The following MAML2 variants were observed in gnomAD, a reference collection of about 807,000 sequenced individuals.
MAML2 encodes mastermind-like protein 2.
MAML2 carries 22 observed loss-of-function variants against 96.1 expected under a neutral mutation model. The ratio of observed to expected loss-of-function variants is 0.23; its 90% CI spans 0.16 to 0.33. The LOEUF is 0.33. Ranked by LOEUF, MAML2 falls within the 10% of genes least tolerant of loss-of-function variation. The pLI is 1.00. For missense variants in MAML2, 1,367 were observed against 1,392.4 expected (o/e 0.98, Z 0.29); for synonymous variants, 561 against 521.3 (o/e 1.08, Z -1.04).
Position 96,138,475 on chromosome 11 carries a change from T to C in MAML2, c.514-44958A>G, listed in dbSNP as rs1458101707. 2.0e-5 allele frequency among the ~76,000 whole-genome samples: 3 copies of C among 152,258 alleles called. No individual in the cohort carries two copies. In the East Asian group the frequency reaches 5.8e-4, roughly 29 times the overall value. ...CTTATATTGTGTTCCACAAGGGTGCTCAGGAAATTTATGAAAAATCTATTC... is the reference window on the plus strand; with the variant it reads ...CTTATATTGTGTTCCACAAGGGTGCCCAGGAAATTTATGAAAAATCTATTC... On this transcript the variant is annotated intron_variant, in intron 1 of 4. Transcript: ENST00000524717.
intron 1 of MAML2, among the ~76,000 whole-genome samples, chr11:96,099,865 C>G (rs1309448908): frequency 6.6e-6 from 1 of 151,530 alleles, no homozygotes. Flanking sequence ...GTCTTGAACT[C>G]CTGGGCTCTA....
chr11:96,216,387 C>T (rs1305837503), intron 1 of MAML2, among the ~76,000 whole-genome samples: 2 of 152,174 alleles, frequency 1.3e-5, no homozygotes, highest in African/African-American at 4.8e-5. Context: ...TCTCTTAAGT[C>T]CCACCTCAAA....
intron 2 of MAML2, among the ~76,000 whole-genome samples, chr11:96,089,142 C>T (rs1859665697): frequency 6.6e-6 from 1 of 152,120 alleles, no homozygotes. Context: ...ATCCCCCACC[C>T]TACCCATGAC....
At chr11:96,135,773 T>C (rs1216260468) in intron 1 of MAML2, among the ~76,000 whole-genome samples, 3 of 151,062 alleles carry the variant, frequency 2.0e-5, no homozygotes, top group Non-Finnish European at 2.9e-5. Flanking sequence ...AATAGTGACA[T>C]ACATCTCTGA....
chr11:96,144,704 A>C (rs1860789255), intron 1 of MAML2, among the ~76,000 whole-genome samples: 1 of 152,220 alleles, frequency 6.6e-6, no homozygotes, highest in South Asian at 2.1e-4. Context: ...AATACTTGCT[A>C]TCCTGTGTTA....
At chr11:96,339,561 C>G (rs146548836) in intron 1 of MAML2, among the ~76,000 whole-genome samples, 2 of 152,184 alleles carry the variant, frequency 1.3e-5, no homozygotes, top group Non-Finnish European at 2.9e-5. Context: ...CTTGACACCC[C>G]GGGCAGAGAT....
chr11:96,006,207 A>G (rs138024369), intron 2 of MAML2, among the ~76,000 whole-genome samples: 47 of 152,222 alleles, frequency 3.1e-4, no homozygotes, highest in Middle Eastern at 3.4e-3. Flanking sequence ...GTTCTCCCTA[A>G]GAATCACTAA....
intron 1 of MAML2, among the ~76,000 whole-genome samples, chr11:96,177,050 C>G (rs1387249998): frequency 6.6e-6 from 1 of 152,106 alleles, no homozygotes; most frequent in African/African-American, 2.4e-5. Context: ...GGTCACCATG[C>G]CTGGAGAGGC....
chr11:96,245,632 G>A (rs1033710938), intron 1 of MAML2, among the ~76,000 whole-genome samples: 1 of 151,536 alleles, frequency 6.6e-6, no homozygotes, highest in African/African-American at 2.4e-5. Context: ...GCTTCAATAT[G>A]AATTTGTATG....
chr11:96,039,790 G>A (rs1192141727), intron 2 of MAML2, among the ~76,000 whole-genome samples: 1 of 151,924 alleles, frequency 6.6e-6, no homozygotes, highest in Non-Finnish European at 1.5e-5. Context: ...GTGAAACCCT[G>A]TCTCTCAAAA....
chr11:96,290,469 C>T (rs1863193499), intron 1 of MAML2, among the ~76,000 whole-genome samples: 1 of 152,196 alleles, frequency 6.6e-6, no homozygotes, highest in Non-Finnish European at 1.5e-5. Context: ...CATGGAAGGT[C>T]AATTGACAGG....
intron 1 of MAML2, among the ~76,000 whole-genome samples, chr11:96,195,902 G>T (rs776261486): frequency 1.3e-5 from 2 of 152,148 alleles, no homozygotes; most frequent in African/African-American, 2.4e-5. Flanking sequence ...AAGAGTTAAT[G>T]TTCTCTCTCT....
intron 1 of MAML2, among the ~76,000 whole-genome samples, chr11:96,154,889 A>T (rs1052927123): frequency 1.3e-5 from 2 of 152,192 alleles, no homozygotes; most frequent in African/African-American, 4.8e-5. Context: ...TCTTCTCCAC[A>T]TCTGAGGGTT....
intron 1 of MAML2, among the ~76,000 whole-genome samples, chr11:96,254,360 CG>C (rs1404795760): frequency 2.0e-5 from 3 of 149,132 alleles, no homozygotes; most frequent in African/African-American, 7.4e-5. Flanking sequence ...ACCTCAGGGG[CG>C]AGTGGGAGTG....
intron 2 of MAML2, among the ~76,000 whole-genome samples, chr11:96,028,647 T>C (rs1314831916): frequency 6.6e-6 from 1 of 152,232 alleles, no homozygotes; most frequent in Admixed American, 6.5e-5. Flanking sequence ...GATAACTTTT[T>C]TTCTTCTAGA....
intron 2 of MAML2, among the ~76,000 whole-genome samples, chr11:96,063,149 C>A (rs1429293054): frequency 2.0e-5 from 3 of 152,192 alleles, no homozygotes; most frequent in Non-Finnish European, 4.4e-5. Context: ...GCCTTGCACG[C>A]ATTGCTCCTT....
chr11:96,321,906 G>C (rs1164043768), intron 1 of MAML2, among the ~76,000 whole-genome samples: 1 of 152,130 alleles, frequency 6.6e-6, no homozygotes, highest in Non-Finnish European at 1.5e-5. Context: ...ATCATGAACA[G>C]TTTTGAGTTA....
chr11:96,148,441 A>G (rs1291406387), intron 1 of MAML2, among the ~76,000 whole-genome samples: 1 of 151,570 alleles, frequency 6.6e-6, no homozygotes, highest in East Asian at 1.9e-4. Flanking sequence ...GTCTGTTAAA[A>G]TGCTGCTTTG....
intron 1 of MAML2, among the ~76,000 whole-genome samples, chr11:96,277,125 AAG>A (rs1862999618): frequency 6.6e-6 from 1 of 152,236 alleles, no homozygotes; most frequent in African/African-American, 2.4e-5. Context: ...CAGTATAAAA[AAG>A]AGAGGAGTCA....
Sources: gnomAD v4.1 joint callset for allele counts (sites outside exome capture counted in the v4.1 genomes callset) on GRCh38, gnomAD v4.1.1 for gene constraint, MANE v1.5 for transcripts, NCBI Gene and HGNC (gene_info 2026-07-23, HGNC 2026-07-21) for gene names.